The following NUDT9 variants were observed in gnomAD, a reference collection of about 807,000 sequenced individuals.
NUDT9 encodes nudix hydrolase 9, also known as ADP-ribose pyrophosphatase.
Under a neutral mutation model 41.0 loss-of-function variants are expected in NUDT9, and 31 were observed. The ratio of observed to expected loss-of-function variants is 0.76; its 90% CI spans 0.57 to 1.02. The LOEUF (loss-of-function observed/expected upper bound fraction) is 1.02, where lower values mean the gene tolerates loss of function less well. Among genes scored for constraint, NUDT9 ranks in the 50% least tolerant of loss-of-function variants. NUDT9 has a pLI of 0.00. For synonymous variants in NUDT9, 146 were observed against 147.6 expected (o/e 0.99, Z 0.08); for missense variants, 380 against 431.4 (o/e 0.88, Z 1.06).
chr4:87,449,127 T>C lies in NUDT9; in HGVS notation c.531-15T>C. ...TTGTTGTAAATCCGTTATGATTTTA[T>C]ATTACTATTCACAGATGGAAAAGGG... On this transcript the variant is annotated splice_polypyrimidine_tract_variant and intron_variant, in intron 4 of 7. Transcript: ENST00000302174. 1 of 1,401,828 alleles carries C rather than the reference T, an allele frequency of 7.1e-7. No homozygotes were observed. The allele number at this position is 1,401,828 out of a possible 1,614,324, so 86.8% of individuals were successfully genotyped here. A position where few individuals can be genotyped will look rare whatever the true frequency, so the allele number is the denominator to read the frequency against.
intron 1 of NUDT9, among the ~76,000 whole-genome samples, chr4:87,430,348 A>G (rs1460295271): frequency 2.0e-5 from 3 of 152,240 alleles, no homozygotes; most frequent in Non-Finnish European, 4.4e-5. Flanking sequence ...CTGTAAGACA[A>G]TGAATTTTTA....
chr4:87,436,092 C>A (rs557243354), intron 2 of NUDT9, among the ~76,000 whole-genome samples: 1 of 152,314 alleles, frequency 6.6e-6, no homozygotes, highest in East Asian at 1.9e-4. Flanking sequence ...CTCCTGGGCT[C>A]AGGTGATTCT....
At chr4:87,450,923 C>G (rs1239093923) in intron 5 of NUDT9, among the ~76,000 whole-genome samples, 1 of 152,210 alleles carries the variant, frequency 6.6e-6, no homozygotes, top group Non-Finnish European at 1.5e-5. Flanking sequence ...CAAATAACCT[C>G]TGTCTTTTGG....
At chr4:87,429,164 T>C (rs751644084) in intron 1 of NUDT9, among the ~76,000 whole-genome samples, 96 of 152,182 alleles carry the variant, frequency 6.3e-4, no homozygotes, top group Non-Finnish European at 1.2e-3. Context: ...TTCTTATTTT[T>C]TTAATGAGTC....
In NUDT9 at chr4:87,449,153, A is replaced by T. The variant is rs1722599948; in HGVS notation, c.542A>T (p.Asp181Val). Residue 181 changes from aspartate to valine, a missense_variant, in exon 5 of 8, where the codon GAT (aspartate) becomes GTT (valine). Physicochemically the swap from Asp to Val is radical, Grantham distance 152. Transcript: ENST00000302174. Reference sequence around the variant, plus strand: ...ATTACTATTCACAGATGGAAAAGGGATAGCAGTGGAAATAAAATCATGCAT... The same window carrying T: ...ATTACTATTCACAGATGGAAAAGGGTTAGCAGTGGAAATAAAATCATGCAT... ...ADPIITRWKR[D>V]SSGNKIMHPV... 1.3e-6 allele frequency: 2 copies of T among 1,585,602 alleles called. No individual in the cohort carries two copies. Among genetic ancestry groups the T allele is most frequent in the Non-Finnish European group, 1.7e-6 (2 of 1,154,346 alleles).
chr4:87,426,923 C>G (rs551316763), intron 1 of NUDT9, among the ~76,000 whole-genome samples: 1 of 145,634 alleles, frequency 6.9e-6, no homozygotes, highest in Non-Finnish European at 1.5e-5. Context: ...ATTTACCAAA[C>G]CACTCCCTTG....
At chr4:87,427,831 A>G (rs927579453) in intron 1 of NUDT9, among the ~76,000 whole-genome samples, 7 of 152,206 alleles carry the variant, frequency 4.6e-5, no homozygotes, top group Non-Finnish European at 8.8e-5. Context: ...ATTAGAGATT[A>G]GGGTTCCATA....
At chr4:87,454,777 A>G (rs2110192995) in intron 7 of NUDT9, among the ~76,000 whole-genome samples, 1 of 152,332 alleles carries the variant, frequency 6.6e-6, no homozygotes, top group African/African-American at 2.4e-5. Context: ...GCAAAACAAA[A>G]GCAACTGGGA....
In NUDT9 at chr4:87,434,639, CTTTTTTTTTGA is replaced by C. The variant is rs1721834561; in HGVS notation, c.108-341_108-331del. On this transcript the variant is annotated intron_variant, in intron 1 of 7. Transcript: ENST00000302174. ...TTGAATTAGGTTCTTTTTTTTTTTG[CTTTTTTTTTGA>C]GATGGAGTTTTCACTCCTGTTGCCC... is the stretch of plus-strand genomic sequence containing the variant. 7.0e-5 allele frequency among the ~76,000 whole-genome samples: 10 copies of C among 141,848 alleles called. No individual in the cohort carries two copies. The East Asian group carries it at 2.1e-3, about 30-fold the overall frequency. 93.1% of individuals were successfully genotyped at this position (141,848 alleles called of 152,430 possible). A position where few individuals can be genotyped will look rare whatever the true frequency, so the allele number is the denominator to read the frequency against.
intron 1 of NUDT9, among the ~76,000 whole-genome samples, chr4:87,430,036 G>T (rs954406258): frequency 3.9e-5 from 6 of 152,170 alleles, no homozygotes; most frequent in African/African-American, 1.4e-4. Flanking sequence ...TAAGGACTTT[G>T]AGATGGGGAG....
Position 87,457,962 on chromosome 4 carries a change from G to A in NUDT9, c.994G>A (p.Ala332Thr). Residue 332 changes from alanine (A) to threonine (T), a missense_variant, in exon 8 of 8, where the codon GCT (alanine) becomes ACT (threonine). Ala to Thr is a moderately conservative substitution (Grantham distance 58). Transcript: ENST00000302174. ...ASHSQFIKLV[A>T]EKRDAHWSED... Reference sequence around the variant, plus strand: ...TCACTCTCAATTCATCAAACTTGTGGCTGAGAAACGAGATGCACACTGGAG... The same window carrying A: ...TCACTCTCAATTCATCAAACTTGTGACTGAGAAACGAGATGCACACTGGAG... 10 of 1,594,988 alleles carry A rather than the reference G, an allele frequency of 6.3e-6. No homozygotes were observed. The highest frequency in any genetic ancestry group is 7.7e-6 in the Non-Finnish European group (9 of 1,173,732).
At chr4:87,454,506 A>G in intron 7 of NUDT9, 51 bp downstream of exon 7, 1 of 1,121,170 alleles carries the variant, frequency 8.9e-7, no homozygotes, top group East Asian at 2.4e-5. Flanking sequence ...AATTTAAGCC[A>G]TTAGCCCACT....
intron 4 of NUDT9, among the ~76,000 whole-genome samples, chr4:87,447,827 A>G (rs541537967): frequency 6.6e-6 from 1 of 152,152 alleles, no homozygotes; most frequent in South Asian, 2.1e-4. Flanking sequence ...TGAGGCCAGG[A>G]GTTCAAGACC....
At position 87,457,894 on chromosome 4, in the gene NUDT9, T is replaced by C. The variant is rs1249040727; in HGVS notation, c.926T>C (p.Val309Ala). 2.5e-6 allele frequency: 4 copies of C among 1,610,656 alleles called. No individual in the cohort carries two copies. The highest frequency in any genetic ancestry group is 3.4e-5 in the Admixed American group (2 of 59,358). Residue 309 changes from valine to alanine, a missense_variant, in exon 8 of 8, where the codon GTG becomes GCG. Coordinates refer to ENST00000302174, the MANE Select transcript of NUDT9 (RefSeq NM_024047.5). ...GAAGCTGGAGATGATGCTGGAAAAG[T>C]GAAATGGGTGGACATCAATGATAAA... ...MLEAGDDAGK[V>A]KWVDINDKLK...
rs1287790877 is a variant in NUDT9 at position 87,422,982 on chromosome 4, C to A, written c.77C>A (p.Ser26Tyr). Residue 26 changes from serine (S) to tyrosine (Y), a missense_variant, in exon 1 of 8, where the codon TCC (serine) becomes TAC (tyrosine). Transcript: ENST00000302174. ...SLALASVTIR[S>Y]SRCRGIQAFR... Reference sequence around the variant, plus strand: ...GCCTTGGCCTCTGTGACTATCAGGTCCTCGCGCTGCCGCGGCATCCAGGCG... The same window carrying A: ...GCCTTGGCCTCTGTGACTATCAGGTACTCGCGCTGCCGCGGCATCCAGGCG... The A allele has an allele frequency of 6.2e-7, 1 of 1,613,060 alleles. No individual in the cohort carries two copies. Among genetic ancestry groups the A allele is most frequent in the South Asian group, 1.1e-5 (1 of 90,888 alleles).
chr4:87,437,713 C>A (rs1722016421), intron 2 of NUDT9, among the ~76,000 whole-genome samples: 1 of 152,116 alleles, frequency 6.6e-6, no homozygotes, highest in African/African-American at 2.4e-5. Flanking sequence ...GCTCTGTAAA[C>A]CACTGCCCAG....
chr4:87,450,175 G>A (rs1722644528), intron 5 of NUDT9, among the ~76,000 whole-genome samples: 1 of 151,742 alleles, frequency 6.6e-6, no homozygotes, highest in African/African-American at 2.4e-5. Flanking sequence ...TGAAGTGGCC[G>A]TTTAAAATGT....
intron 1 of NUDT9, 25 bp downstream of exon 1, chr4:87,423,037 T>C: frequency 6.3e-7 from 1 of 1,584,444 alleles, no homozygotes; most frequent in Non-Finnish European, 8.6e-7. Context: ...TACTACCGGC[T>C]CCTTTGCCCT....
chr4:87,438,373 G>A lies in NUDT9; in HGVS notation c.443+1G>A. 6.5e-7 allele frequency: 1 copy of A among 1,549,816 alleles called. No homozygotes were observed. Among genetic ancestry groups the A allele is most frequent in the Non-Finnish European group, 8.9e-7 (1 of 1,122,032 alleles). On this transcript the variant is annotated splice_donor_variant, in intron 3 of 7. Transcript: ENST00000302174. LOFTEE classifies it high-confidence loss of function. Reference sequence around the variant, plus strand: ...ATGAGATTGAAAATGGAAGACCGAGGTAGGTACTGGGAGCAGAGCATCTTA... The same window carrying A: ...ATGAGATTGAAAATGGAAGACCGAGATAGGTACTGGGAGCAGAGCATCTTA...
Sources: gnomAD v4.1 joint callset for allele counts (sites outside exome capture counted in the v4.1 genomes callset) on GRCh38, gnomAD v4.1.1 for gene constraint, MANE v1.5 for transcripts, NCBI Gene and HGNC (gene_info 2026-07-23, HGNC 2026-07-21) for gene names.